Variants in TTC3 observed in about 807,000 individuals in gnomAD.
TTC3 encodes the protein E3 ubiquitin-protein ligase TTC3.
TTC3 carries 180 observed loss-of-function variants against 249.6 expected under a neutral mutation model. The ratio of observed to expected loss-of-function variants is 0.72; its 90% confidence interval spans 0.64 to 0.82. The LOEUF is 0.82. Ranked by LOEUF, TTC3 falls within the 40% of genes least tolerant of loss-of-function variation. The pLI is 0.00. For missense variants in TTC3, 2,061 were observed against 2,398.4 expected (o/e 0.86, Z 2.94); for synonymous variants, 717 against 805.0 (o/e 0.89, Z 1.85).
chr21:37,135,262 G>A, intron 17 of TTC3, 118 bp from the exon 18 acceptor site: 1 of 1,096,338 alleles, frequency 9.1e-7, no homozygotes, highest in East Asian at 2.6e-5. Context: ...GGGTAGTTTG[G>A]GTATTGATGT....
chr21:37,196,078 C>T (rs566256203), intron 42 of TTC3, 42 bp downstream of exon 42: 41 of 1,597,784 alleles, frequency 2.6e-5, no homozygotes, highest in East Asian at 4.5e-5. Flanking sequence ...AATACTTTAT[C>T]GAACTGAGGT....
At chr21:37,197,859 C>T (rs376796747) in intron 43 of TTC3, 23 bp from the exon 44 acceptor site, 22 of 1,606,712 alleles carry the variant, frequency 1.4e-5, no homozygotes, top group African/African-American at 8.0e-5. Context: ...GTCCCCTCCC[C>T]GCCACCCCTG....
chr21:37,151,870 C>T (rs1416175695), intron 25 of TTC3, 23 bp from the exon 26 acceptor site: 5 of 1,552,276 alleles, frequency 3.2e-6, no homozygotes, highest in African/African-American at 1.4e-5. Flanking sequence ...ATTGAGTTGT[C>T]ACTAATTGTA....
At chr21:37,122,063 C>G (rs2076628368) in intron 12 of TTC3, 84 bp downstream of exon 12, 2 of 1,272,556 alleles carry the variant, frequency 1.6e-6, no homozygotes, top group Non-Finnish European at 1.1e-6. Flanking sequence ...AACAGAGGAC[C>G]ACAAATCAAT....
exon 40 of TTC3, chr21:37,191,382 A>G: frequency 6.3e-7 from 1 of 1,590,902 alleles, no homozygotes; most frequent in Non-Finnish European, 8.5e-7. Context: ...GTTCATGGGA[A>G]TTGTTTCTTT....
chr21:37,087,754 G>A (rs953338848), intron 2 of TTC3, 79 bp from the exon 3 acceptor site: 19 of 1,133,882 alleles, frequency 1.7e-5, no homozygotes, highest in African/African-American at 4.7e-5. Context: ...AAAGTTCTTT[G>A]GTTAGTTCTG....
intron 13 of TTC3, among the ~76,000 whole-genome samples, chr21:37,124,112 CTTTT>C (rs60916518): frequency 2.9e-4 from 18 of 61,282 alleles, no homozygotes; most frequent in Admixed American, 9.4e-4. Flanking sequence ...TTGAACTGTT[CTTTT>C]TTTTTTTTTT....
At chr21:37,143,965 C>T (rs1335683365) in intron 20 of TTC3, among the ~76,000 whole-genome samples, 6 of 150,288 alleles carry the variant, frequency 4.0e-5, no homozygotes, top group Admixed American at 1.3e-4. Flanking sequence ...AAGCTGGAAA[C>T]CATCATTCTC....
At chr21:37,170,920 A>G (rs1466560174) in intron 34 of TTC3, among the ~76,000 whole-genome samples, 3 of 152,230 alleles carry the variant, frequency 2.0e-5, no homozygotes, top group African/African-American at 7.2e-5. Flanking sequence ...TAGTTTTTAA[A>G]AGATGGGATC....
At chr21:37,182,649 G>T in intron 35 of TTC3, 125 bp from the exon 36 acceptor site, 1 of 993,780 alleles carries the variant, frequency 1.0e-6, no homozygotes, top group African/African-American at 1.7e-5. Flanking sequence ...GCCAGCTTGG[G>T]AGTGTGTTCC....
intron 14 of TTC3, among the ~76,000 whole-genome samples, chr21:37,124,959 C>T (rs2076936464): frequency 6.6e-6 from 1 of 152,174 alleles, no homozygotes; most frequent in Admixed American, 6.5e-5. Flanking sequence ...TTTGAAATCA[C>T]ATTTATGTGT....
chr21:37,101,900 A>G (rs967420523), intron 10 of TTC3, among the ~76,000 whole-genome samples: 2 of 142,242 alleles, frequency 1.4e-5, no homozygotes, highest in African/African-American at 2.5e-5. Context: ...ATTAGTTTGT[A>G]TTATATTAGT....
At chr21:37,109,059 TAAG>T (rs747010257) in intron 11 of TTC3, among the ~76,000 whole-genome samples, 44 of 151,984 alleles carry the variant, frequency 2.9e-4, no homozygotes, top group African/African-American at 9.4e-4. Context: ...CCAATAGAAA[TAAG>T]AAACTATTTC....
At chr21:37,129,887 CT>C in intron 16 of TTC3, among the ~76,000 whole-genome samples, 5 of 152,224 alleles carry the variant, frequency 3.3e-5, no homozygotes. Flanking sequence ...TCAAGTGATC[CT>C]TCTGCCTTGG....
intron 1 of TTC3, among the ~76,000 whole-genome samples, chr21:37,081,200 C>T (rs949275549): frequency 2.1e-5 from 3 of 139,584 alleles, no homozygotes; most frequent in African/African-American, 8.1e-5. Flanking sequence ...TCATTGCAAC[C>T]TCCGCCTCCT....
rs1218562136 is a variant in TTC3, at chr21:37,160,699, A to G, written c.3040-103A>G. 7.6e-6 allele frequency: 9 copies of G among 1,185,880 alleles called. No individual in the cohort carries two copies. The East Asian group carries it at 1.2e-4, about 16-fold the overall frequency. The allele number at this position is 1,185,880 out of a possible 1,614,324, so 73.5% of individuals were successfully genotyped here. The stretch of plus-strand genomic sequence containing the variant: ...TATTTTTGTTAAACATTTTATGTAC[A>G]TTTAACTTATGGCTAGTCTGTAAAA... On this transcript the variant is annotated intron_variant, in intron 29 of 45. Coordinates refer to ENST00000355666, the Ensembl canonical transcript of TTC3.
chr21:37,149,347 C>T (rs1478391420), intron 23 of TTC3, among the ~76,000 whole-genome samples: 1 of 149,700 alleles, frequency 6.7e-6, no homozygotes, highest in Non-Finnish European at 1.5e-5. Context: ...TTAACAATAG[C>T]AATTATTAAA....
At chr21:37,093,497 A>G (rs1217546518) in intron 7 of TTC3, 1 of 152,266 alleles carries the variant, frequency 6.6e-6, no homozygotes, top group Non-Finnish European at 1.5e-5. Flanking sequence ...CCAAAATCCA[A>G]AACACTTCTG....
At chr21:37,101,088 A>C (rs1000475990) in intron 10 of TTC3, 39 of 152,200 alleles carry the variant, frequency 2.6e-4, no homozygotes, top group African/African-American at 9.4e-4. Flanking sequence ...TTAATTGGAG[A>C]AAGTGAATGC....
Sources: allele counts gnomAD v4.1 joint callset (sites outside exome capture counted in the v4.1 genomes callset), GRCh38; gene constraint gnomAD v4.1.1; transcripts MANE v1.5; gene names NCBI Gene and HGNC (gene_info 2026-07-23, HGNC 2026-07-21).